Variants in CCDC102A observed in about 807,000 individuals in gnomAD.
CCDC102A encodes the protein coiled-coil domain containing 102A.
A neutral mutation model predicts 55.5 loss-of-function variants in CCDC102A; 40 were observed. The ratio of observed to expected loss-of-function variants is 0.72; its 90% CI spans 0.56 to 0.94. The LOEUF (loss-of-function observed/expected upper bound fraction) is 0.94. Among genes scored for constraint, CCDC102A ranks in the 40% least tolerant of loss-of-function variants. CCDC102A has a pLI of 0.00. For synonymous variants in CCDC102A, 323 were observed against 339.0 expected, an observed-to-expected ratio of 0.95 and a Z score of 0.52; for missense variants, 779 against 768.6, an observed-to-expected ratio of 1.01 and a Z score of -0.16.
intron 7 of CCDC102A, among the ~76,000 whole-genome samples, chr16:57,515,896 C>T (rs555811003): frequency 7.9e-5 from 12 of 151,842 alleles, no homozygotes; most frequent in African/African-American, 2.4e-4. Context: ...CCTCTGTATT[C>T]GTTCTTCCAC....
intron 3 of CCDC102A, among the ~76,000 whole-genome samples, chr16:57,524,466 A>C (rs986270803): frequency 6.6e-6 from 1 of 152,136 alleles, no homozygotes; most frequent in Non-Finnish European, 1.5e-5. Flanking sequence ...AATCCCAGCT[A>C]CTCAGGAGGC....
At chr16:57,522,381 C>T (rs897264676) in intron 3 of CCDC102A, among the ~76,000 whole-genome samples, 2 of 152,100 alleles carry the variant, frequency 1.3e-5, no homozygotes, top group African/African-American at 2.4e-5. Context: ...GAGCACTGGG[C>T]ATCTCTGGGC....
At position 57,512,513 on chromosome 16, in the gene CCDC102A, T is replaced by TGC. The variant is rs540553651; in HGVS notation, c.*226_*227dup. 494 of 429,724 alleles carry TGC rather than the reference T, an allele frequency of 1.1e-3. 5 individuals are homozygous for TGC. The highest frequency in any genetic ancestry group is 9.4e-3 in the South Asian group (143 of 15,188). 26.6% of individuals were successfully genotyped at this position (429,724 alleles called of 1,614,324 possible). A position where few individuals can be genotyped will look rare whatever the true frequency, so the allele number is the denominator to read the frequency against. ...AAATGGGTCCAAAGACTTCTGGGTGTGCGCGCGCGCGCGCGCGTGTGTGTA... is the reference window on the plus strand; with the variant it reads ...AAATGGGTCCAAAGACTTCTGGGTGTGCGCGCGCGCGCGCGCGCGTGTGTGTA... On this transcript the variant is annotated 3_prime_UTR_variant, in exon 9 of 9. Transcript: ENST00000258214.
At chr16:57,527,935 T>C (rs2032169497) in intron 2 of CCDC102A, among the ~76,000 whole-genome samples, 1 of 152,212 alleles carries the variant, frequency 6.6e-6, no homozygotes, top group Admixed American at 6.5e-5. Flanking sequence ...TCAGCTGGAA[T>C]GCCTTCGGGC....
At position 57,514,220 on chromosome 16, in the gene CCDC102A, G is replaced by A. The variant is rs575779891; in HGVS notation, c.1523+1121C>T. 7.9e-5 allele frequency among the ~76,000 whole-genome samples: 12 copies of A among 152,104 alleles called. No individual in the cohort carries two copies. The South Asian group carries it at 8.3e-4, about 11-fold the overall frequency. ...TTTTCTTTCTTTTTTTCTTAGAGACGGGATCTCACTTTGTCTCCCAGGCTG... is the reference window on the plus strand; with the variant it reads ...TTTTCTTTCTTTTTTTCTTAGAGACAGGATCTCACTTTGTCTCCCAGGCTG... On this transcript the variant is annotated intron_variant, in intron 8 of 8. Coordinates refer to ENST00000258214, the MANE Select transcript of CCDC102A (RefSeq NM_033212.4).
In CCDC102A at chr16:57,528,687, C is replaced by G. The variant is rs2032189784; in HGVS notation, c.491G>C (p.Arg164Pro). 2 of 1,125,066 alleles carry G rather than the reference C, an allele frequency of 1.8e-6. No homozygotes were observed. The highest frequency in any genetic ancestry group is 1.1e-6 in the Non-Finnish European group (1 of 915,804). The allele number at this position is 1,125,066 out of a possible 1,614,324, so 69.7% of individuals were successfully genotyped here. A position where few individuals can be genotyped will look rare whatever the true frequency, so the allele number is the denominator to read the frequency against. The part of the protein sequence containing the change: ...GRELARLRGA[R>P]GVADQTRDGP... ...GTCGCGCGTCTGGTCGGCGACCCCC[C>G]GGGCGCCCCTCAGCCGCGCCAGCTC... The change falls in exon 2 of 9, where the codon CGG (arginine) becomes CCG (proline). Residue 164 changes from arginine to proline, a missense_variant. Transcript: ENST00000258214.
rs2032206786 is a variant in CCDC102A at position 57,529,234 on chromosome 16, G to A, written c.-57C>T. ...CGCGGTCGGGCTCAGGGGCGGCTCC[G>A]GGGACGCGCGGCGGGCGCGATACAA... On this transcript the variant is annotated 5_prime_UTR_variant, in exon 2 of 9. Coordinates refer to ENST00000258214, the MANE Select transcript of CCDC102A (RefSeq NM_033212.4). The surrounding 1 kb of genome is among the most constrained non-coding windows in gnomAD (Gnocchi z 4.1). 1.8e-6 allele frequency: 2 copies of A among 1,137,868 alleles called. No individual in the cohort carries two copies. Among genetic ancestry groups the A allele is most frequent in the East Asian group, 4.3e-5 (1 of 23,338 alleles). 70.5% of individuals were successfully genotyped at this position (1,137,868 alleles called of 1,614,324 possible). A position where few individuals can be genotyped will look rare whatever the true frequency, so the allele number is the denominator to read the frequency against.
In CCDC102A at chr16:57,512,774, G is replaced by A. The variant is rs770309890; in HGVS notation, c.1620C>T (p.Asp540=). The A allele has an allele frequency of 2.2e-5, 36 of 1,614,022 alleles. No individual in the cohort carries two copies. Among genetic ancestry groups the A allele is most frequent in the South Asian group, 2.2e-4 (20 of 91,078 alleles). The change falls in exon 9 of 9, where the codon GAC becomes GAT. Residue 540 remains aspartate, a synonymous_variant. Coordinates refer to ENST00000258214, the MANE Select transcript of CCDC102A (RefSeq NM_033212.4). ...EEAEDGTSDL[D]EDEDLQIQVA ...CCTGGATTTGCAGGTCCTCGTCCTCGTCCAGGTCACTGGTTCCATCCTCGG... is the reference window on the plus strand; with the variant it reads ...CCTGGATTTGCAGGTCCTCGTCCTCATCCAGGTCACTGGTTCCATCCTCGG...
At chr16:57,523,500 G>A (rs1357699562) in intron 3 of CCDC102A, among the ~76,000 whole-genome samples, 9 of 149,992 alleles carry the variant, frequency 6.0e-5, no homozygotes, top group African/African-American at 2.2e-4. Context: ...TTGAGACAGC[G>A]TCTCTCTCTG....
Position 57,528,586 on chromosome 16 carries a change from C to A in CCDC102A, c.585+7G>T. On this transcript the variant is annotated splice_region_variant and intron_variant, in intron 2 of 8. Coordinates refer to ENST00000258214, the MANE Select transcript of CCDC102A (RefSeq NM_033212.4). ...TGGAGCGCGAACGCCCCGCCCGCGC[C>A]GCGCACCTGGCTGCCTGGCGGCCTC... 1 of 1,248,708 alleles carries A rather than the reference C, an allele frequency of 8.0e-7. No homozygotes were observed. Among genetic ancestry groups the A allele is most frequent in the Non-Finnish European group, 1.0e-6 (1 of 989,062 alleles). 77.4% of individuals were successfully genotyped at this position (1,248,708 alleles called of 1,614,324 possible).
chr16:57,515,073 G>T (rs528455185), intron 8 of CCDC102A, among the ~76,000 whole-genome samples: 2 of 152,220 alleles, frequency 1.3e-5, no homozygotes, highest in East Asian at 3.9e-4. Context: ...GACCTCTCCA[G>T]CCCGCCCTTC....
intron 5 of CCDC102A, among the ~76,000 whole-genome samples, 162 bp downstream of exon 5, chr16:57,518,463 G>A (rs1193058874): frequency 3.3e-5 from 5 of 152,238 alleles, no homozygotes; most frequent in Admixed American, 6.5e-5. Flanking sequence ...GCCTCTGTGT[G>A]GGAGAGAGGC....
upstream of CCDC102A, chr16:57,536,631 G>T: frequency 6.6e-6 from 1 of 152,252 alleles, no homozygotes; most frequent in Non-Finnish European, 1.5e-5. Context: ...CCCGGGGGGA[G>T]GGGAAGCAGG....
Position 57,518,241 on chromosome 16 carries a change from C to A in CCDC102A, c.1075G>T (p.Gly359Cys), listed in dbSNP as rs1363298247. ...TCTGTCTCCAGCCGCTCCCGGCGGC[C>A]CCACTCCGCAGCGTTTTCGGCCTGC... ...RLQAENAAEW[G>C]RRERLETEKL... is the part of the protein sequence containing the mutation. The change falls in exon 6 of 9, where the codon GGC (glycine) becomes TGC (cysteine). Residue 359 changes from glycine to cysteine, a missense_variant. Transcript: ENST00000258214. 6.2e-7 allele frequency: 1 copy of A among 1,611,490 alleles called. No homozygotes were observed.
At chr16:57,535,813 C>A (rs889767505) in intron 1 of CCDC102A, among the ~76,000 whole-genome samples, 1 of 152,184 alleles carries the variant, frequency 6.6e-6, no homozygotes, top group East Asian at 1.9e-4. Context: ...CCTGAACGCT[C>A]TAACAGGTGG....
chr16:57,516,858 CAG>C lies in CCDC102A; in HGVS notation c.1249-397_1249-396del, dbSNP rs1377850157. On this transcript the variant is annotated intron_variant, in intron 6 of 8. Transcript: ENST00000258214. This position sits in a 1 kb window ranked among gnomAD's most constrained non-coding sequence, Gnocchi z 4.4. Reference sequence around the variant, plus strand: ...TAGGCTGGGGAATGGGTGGGTGTCTCAGAGCCCAGAGTGGCTGGGAAGAGGAA... The same window carrying C: ...TAGGCTGGGGAATGGGTGGGTGTCTCAGCCCAGAGTGGCTGGGAAGAGGAA... Among the ~76,000 whole-genome samples, 1 of 152,160 alleles carries C rather than the reference CAG, an allele frequency of 6.6e-6. No individual in the cohort carries two copies. Among genetic ancestry groups the C allele is most frequent in the Non-Finnish European group, 1.5e-5 (1 of 68,024 alleles).
chr16:57,514,800 G>C (rs961559840), intron 8 of CCDC102A, among the ~76,000 whole-genome samples: 1 of 152,168 alleles, frequency 6.6e-6, no homozygotes, highest in Non-Finnish European at 1.5e-5. Context: ...AAGTGGGAGG[G>C]ACGTGGACTG....
chr16:57,527,426 T>TTG (rs2032157491), intron 2 of CCDC102A, among the ~76,000 whole-genome samples: 2 of 151,714 alleles, frequency 1.3e-5, no homozygotes, highest in African/African-American at 4.8e-5. Context: ...TGCTTTTTTT[T>TTG]TTTTTTTTTT....
chr16:57,529,030 C>G lies in CCDC102A; in HGVS notation c.148G>C (p.Gly50Arg), dbSNP rs1465665845. The G allele has an allele frequency of 1.8e-6, 2 of 1,105,360 alleles. No homozygotes were observed. Among genetic ancestry groups the G allele is most frequent in the Admixed American group, 1.0e-4 (2 of 19,276 alleles). The allele number at this position is 1,105,360 out of a possible 1,614,324, so 68.5% of individuals were successfully genotyped here. ...PTPPSGTPSP[G>R]PPPALPLPPA... is the part of the protein sequence containing the mutation. ...GGCAGGGGCAGTGCGGGCGGCGGCC[C>G]GGGCGAGGGCGTGCCGCTGGGCGGC... is the stretch of plus-strand genomic sequence containing the variant. Residue 50 changes from glycine to arginine, a missense_variant, in exon 2 of 9, where the codon GGG (glycine) becomes CGG (arginine). Physicochemically the swap from Gly to Arg is moderately radical, Grantham distance 125. Coordinates refer to ENST00000258214, the MANE Select transcript of CCDC102A (RefSeq NM_033212.4). The surrounding 1 kb of genome is among the most constrained non-coding windows in gnomAD (Gnocchi z 4.1).
Sources: gnomAD v4.1 joint callset for allele counts (sites outside exome capture counted in the v4.1 genomes callset) on GRCh38, gnomAD v4.1.1 for gene constraint, Gnocchi (gnomAD v3.1) non-coding constraint, MANE v1.5 for transcripts, NCBI Gene and HGNC (gene_info 2026-07-23, HGNC 2026-07-21) for gene names.